PTPRZ1: variants seen among roughly 807,000 people sequenced by gnomAD.
The protein encoded by PTPRZ1 is protein tyrosine phosphatase receptor type Z1.
In PTPRZ1, 82 loss-of-function variants were observed where a neutral mutation model predicts 214.1. The ratio of observed to expected loss-of-function variants is 0.38; its 90% CI spans 0.32 to 0.46. The LOEUF is 0.46. Ranked by LOEUF, PTPRZ1 falls within the 20% of genes least tolerant of loss-of-function variation. The pLI, the probability that PTPRZ1 is intolerant of heterozygous loss-of-function variation, is 1.00. For synonymous variants in PTPRZ1, 945 were observed against 987.9 expected, an observed-to-expected ratio of 0.96 and a Z score of 0.81; for missense variants, 2,603 against 2,748.7, an observed-to-expected ratio of 0.95 and a Z score of 1.19.
intron 11 of PTPRZ1, 104 bp downstream of exon 11, chr7:122,004,764 T>C (rs1007952919): frequency 3.2e-6 from 2 of 634,904 alleles, no homozygotes; most frequent in Non-Finnish European, 5.4e-6. Context: ...GTTGTGTGTA[T>C]GATTCACTGT....
chr7:121,884,623 A>C (rs1026111136), intron 1 of PTPRZ1, among the ~76,000 whole-genome samples: 2 of 152,210 alleles, frequency 1.3e-5, no homozygotes, highest in African/African-American at 2.4e-5. Flanking sequence ...CAGTTAGAGC[A>C]GTGAAACTCA....
In PTPRZ1 at chr7:122,010,702, C is replaced by T. The variant is rs1326756122; in HGVS notation, c.1656C>T (p.Asn552=). 1 of 1,613,862 alleles carries T rather than the reference C, an allele frequency of 6.2e-7. No homozygotes were observed. The highest frequency in any genetic ancestry group is 1.3e-5 in the African/African-American group (1 of 74,910). The change falls in exon 12 of 30, where the codon AAC becomes AAT. Residue 552 remains asparagine (N), a synonymous_variant. Coordinates refer to ENST00000393386, the MANE Select transcript of PTPRZ1 (RefSeq NM_002851.3). The part of the protein sequence containing the change: ...SKTVLRSPHM[N]LSGTAESLNT... ...CTGTTCTTAGATCTCCACATATGAA[C>T]TTGTCGGGGACTGCAGAATCCTTAA...
chr7:121,928,760 A>G (rs1795840351), intron 2 of PTPRZ1, among the ~76,000 whole-genome samples: 1 of 152,222 alleles, frequency 6.6e-6, no homozygotes, highest in African/African-American at 2.4e-5. Flanking sequence ...ATTTTGTCAC[A>G]TTACTAGACT....
At chr7:121,953,981 A>G (rs943470418) in intron 2 of PTPRZ1, among the ~76,000 whole-genome samples, 1 of 152,184 alleles carries the variant, frequency 6.6e-6, no homozygotes, top group Non-Finnish European at 1.5e-5. Flanking sequence ...CAAAGTGATC[A>G]TTCATCCATT....
At chr7:121,960,745 G>A (rs1299336880) in intron 2 of PTPRZ1, among the ~76,000 whole-genome samples, 2 of 151,848 alleles carry the variant, frequency 1.3e-5, no homozygotes, top group African/African-American at 2.4e-5. Flanking sequence ...AACCTGCATT[G>A]GTATTTTTTT....
At position 121,997,978 on chromosome 7, in the gene PTPRZ1, G is replaced by A; in HGVS notation, c.1212G>A (p.Leu404=). The A allele has an allele frequency of 6.2e-7, 1 of 1,613,208 alleles. No individual in the cohort carries two copies. The highest frequency in any genetic ancestry group is 8.5e-7 in the Non-Finnish European group (1 of 1,179,672). The change falls in exon 10 of 30, where the codon CTG becomes CTA. Residue 404 remains leucine (L), a synonymous_variant. Transcript: ENST00000393386. The part of the protein sequence containing the change: ...NGLYGKYSDQ[L]IVDMPTDNPE... ...TATATGGAAAATACAGCGACCAACT[G>A]ATTGTCGACATGCCTACTGATAATC...
intron 1 of PTPRZ1, among the ~76,000 whole-genome samples, chr7:121,886,493 C>G (rs1160733237): frequency 6.7e-6 from 1 of 149,340 alleles, no homozygotes; most frequent in Non-Finnish European, 1.5e-5. Flanking sequence ...CACACACACA[C>G]AGCCGTAAAA....
chr7:121,967,974 GGAAA>G lies in PTPRZ1; in HGVS notation c.153_156del (p.Lys51AsnfsTer22). On this transcript the variant is annotated frameshift_variant, in exon 3 of 30. Transcript: ENST00000393386. LOFTEE classifies it high-confidence loss of function. The stretch of plus-strand genomic sequence containing the variant: ...AGGAGCACTGAATCAAAAAAATTGG[GGAAA>G]GAAATATCCAACATGTAATAGCCCA... 1 of 1,581,674 alleles carries G rather than the reference GGAAA, an allele frequency of 6.3e-7. No individual in the cohort carries two copies. Among genetic ancestry groups the G allele is most frequent in the Non-Finnish European group, 8.6e-7 (1 of 1,158,492 alleles).
Position 121,994,152 on chromosome 7 carries a change from C to T in PTPRZ1, c.929-2230C>T, listed in dbSNP as rs185172629. Among the ~76,000 whole-genome samples the T allele has an allele frequency of 1.2e-3, 183 of 152,102 alleles. 2 individuals are homozygous for T. Among genetic ancestry groups the T allele is most frequent in the Middle Eastern group, 3.4e-3 (1 of 294 alleles). On this transcript the variant is annotated intron_variant, in intron 8 of 29. Coordinates refer to ENST00000393386, the MANE Select transcript of PTPRZ1 (RefSeq NM_002851.3). ...CGTCTACTGATTGCTACTACTAAGG[C>T]GAGACAAACATAGACATCCAACCAA...
At chr7:122,036,421 T>G (rs1346503478) in intron 17 of PTPRZ1, among the ~76,000 whole-genome samples, 179 bp from the exon 18 acceptor site, 3 of 152,196 alleles carry the variant, frequency 2.0e-5, no homozygotes, top group Non-Finnish European at 2.9e-5. Context: ...GGGTGGAGAT[T>G]CTTTTTATAT....
At chr7:122,041,145 C>G (rs778690120) in intron 21 of PTPRZ1, among the ~76,000 whole-genome samples, 166 bp downstream of exon 21, 2 of 152,128 alleles carry the variant, frequency 1.3e-5, no homozygotes, top group Non-Finnish European at 2.9e-5. Flanking sequence ...ATGAACATGC[C>G]AGACTCAGAA....
At chr7:121,915,634 A>G (rs1177394352) in intron 1 of PTPRZ1, among the ~76,000 whole-genome samples, 1 of 152,228 alleles carries the variant, frequency 6.6e-6, no homozygotes, top group Non-Finnish European at 1.5e-5. Context: ...CAAAATGCAT[A>G]TTATGTGATC....
At chr7:122,052,801 C>T (rs1174393011) in intron 25 of PTPRZ1, among the ~76,000 whole-genome samples, 1 of 152,160 alleles carries the variant, frequency 6.6e-6, no homozygotes, top group East Asian at 1.9e-4. Context: ...GGTGTCTGGA[C>T]ACCAAAGTGG....
At chr7:122,057,968 GTATATATATACA>G (rs1562886858) in intron 27 of PTPRZ1, among the ~76,000 whole-genome samples, 2 of 35,158 alleles carry the variant, frequency 5.7e-5, no homozygotes, top group East Asian at 6.0e-4. Context: ...GTGTGTGTGT[GTATATATATACA>G]TATATATATA....
intron 1 of PTPRZ1, among the ~76,000 whole-genome samples, chr7:121,874,672 C>A (rs1793998064): frequency 6.6e-6 from 1 of 152,098 alleles, no homozygotes; most frequent in Non-Finnish European, 1.5e-5. Flanking sequence ...AATTACATTG[C>A]AAATACGGTG....
At chr7:122,049,794 G>A (rs1260468552) in intron 23 of PTPRZ1, among the ~76,000 whole-genome samples, 3 of 152,024 alleles carry the variant, frequency 2.0e-5, no homozygotes, top group Non-Finnish European at 4.4e-5. Flanking sequence ...TTTTAATTTA[G>A]CATGGAAAAT....
At chr7:121,949,283 T>G (rs1005263978) in intron 2 of PTPRZ1, among the ~76,000 whole-genome samples, 1 of 152,176 alleles carries the variant, frequency 6.6e-6, no homozygotes, top group Admixed American at 6.5e-5. Flanking sequence ...GTGACTTTAA[T>G]TAGAAGGGGA....
chr7:122,005,370 TTGA>T lies in PTPRZ1; in HGVS notation c.1287+715_1287+717del, dbSNP rs1216862036. 2.6e-5 allele frequency among the ~76,000 whole-genome samples: 4 copies of T among 152,082 alleles called. No individual in the cohort carries two copies. In the East Asian group the frequency reaches 5.8e-4, roughly 22 times the overall value. Reference sequence around the variant, plus strand: ...TATATATTCAGTTCAGGTGCTATTGTTGATGATAATACGAATGTGTACATGTGT... The same window carrying T: ...TATATATTCAGTTCAGGTGCTATTGTTGATAATACGAATGTGTACATGTGT... On this transcript the variant is annotated intron_variant, in intron 11 of 29. Transcript: ENST00000393386.
At chr7:121,995,672 A>G (rs1416503078) in intron 8 of PTPRZ1, among the ~76,000 whole-genome samples, 1 of 152,228 alleles carries the variant, frequency 6.6e-6, no homozygotes, top group Non-Finnish European at 1.5e-5. Context: ...TTTACTTATG[A>G]TAACAAAATG....
Sources: gnomAD v4.1 joint callset for allele counts (sites outside exome capture counted in the v4.1 genomes callset) on GRCh38, gnomAD v4.1.1 for gene constraint, MANE v1.5 for transcripts, NCBI Gene and HGNC (gene_info 2026-07-23, HGNC 2026-07-21) for gene names.